The following KIAA2012 variants were observed in gnomAD, a reference collection of about 807,000 sequenced individuals.
KIAA2012 encodes KIAA2012.
KIAA2012 carries 125 observed loss-of-function variants against 150.6 expected under a neutral mutation model. That is an observed-to-expected ratio of 0.83 (90% CI 0.72 to 0.96). KIAA2012 has a LOEUF of 0.96. Among genes scored for constraint, KIAA2012 ranks in the 40% least tolerant of loss-of-function variants. The pLI is 0.00. For synonymous variants in KIAA2012, 462 were observed against 504.7 expected, an observed-to-expected ratio of 0.92 and a Z score of 1.13; for missense variants, 1,219 against 1,354.9, an observed-to-expected ratio of 0.90 and a Z score of 1.57.
At chr2:202,180,342 A>G (rs1692094301) in intron 15 of KIAA2012, among the ~76,000 whole-genome samples, 2 of 151,780 alleles carry the variant, frequency 1.3e-5, no homozygotes, top group African/African-American at 4.8e-5. Flanking sequence ...AATTTCAGAT[A>G]ATCTATCTAC....
At chr2:202,138,838 A>G in intron 13 of KIAA2012, among the ~76,000 whole-genome samples, 1 of 152,246 alleles carries the variant, frequency 6.6e-6, no homozygotes, top group Admixed American at 6.5e-5. Flanking sequence ...CATTCGTAAA[A>G]TTAGTAATTC....
intron 18 of KIAA2012, among the ~76,000 whole-genome samples, chr2:202,188,578 C>T (rs1692273414): frequency 6.6e-6 from 1 of 152,200 alleles, no homozygotes; most frequent in Admixed American, 6.5e-5. Flanking sequence ...ATCCTCACAA[C>T]ATCTCCATGA....
At chr2:202,202,405 T>C (rs1692548612) in intron 22 of KIAA2012, 24 bp from the exon 23 acceptor site, 2 of 399,844 alleles carry the variant, frequency 5.0e-6, no homozygotes, top group Non-Finnish European at 8.8e-6. Context: ...ATTATTGGAA[T>C]TGGGGGTGGG....
intron 15 of KIAA2012, among the ~76,000 whole-genome samples, chr2:202,181,966 A>C (rs1692129180): frequency 6.6e-6 from 1 of 152,104 alleles, no homozygotes; most frequent in East Asian, 1.9e-4. Flanking sequence ...TCACTCCCAA[A>C]AGTTTCCTCA....
chr2:202,183,476 A>ATTTTTTTTTTT (rs71406950), intron 15 of KIAA2012, among the ~76,000 whole-genome samples: 6 of 95,826 alleles, frequency 6.3e-5, no homozygotes, highest in Non-Finnish European at 7.5e-5. Flanking sequence ...GGTTTTTTAA[A>ATTTTTTTTTTT]TTTTTTTTTT....
intron 2 of KIAA2012, among the ~76,000 whole-genome samples, chr2:202,087,510 C>CAAAAAAAAAAAA (rs59728832): frequency 2.3e-4 from 12 of 52,520 alleles, no homozygotes; most frequent in Non-Finnish European, 3.6e-4. Context: ...GAAACCATCT[C>CAAAAAAAAAAAA]AAAAAAAAAA....
chr2:202,106,112 A>C (rs1338095514), intron 9 of KIAA2012: 2 of 1,424,582 alleles, frequency 1.4e-6, no homozygotes, highest in African/African-American at 2.8e-5. Context: ...CCAGCTCACC[A>C]GTTACTTACT....
chr2:202,075,231 C>G, intron 2 of KIAA2012, 56 bp downstream of exon 2: 2 of 1,468,030 alleles, frequency 1.4e-6, no homozygotes, highest in Non-Finnish European at 1.8e-6. Context: ...GTCTAGAAAC[C>G]CAGTTGCAGC....
chr2:202,132,450 T>G (rs1033255937), intron 12 of KIAA2012, among the ~76,000 whole-genome samples: 3 of 151,188 alleles, frequency 2.0e-5, no homozygotes, highest in Non-Finnish European at 4.4e-5. Flanking sequence ...GCAGATCACC[T>G]GAGGTCAGGA....
Position 202,194,270 on chromosome 2 carries a change from C to T in KIAA2012, c.3095C>T (p.Ala1032Val). The T allele has an allele frequency of 2.6e-6, 4 of 1,550,560 alleles. No individual in the cohort carries two copies. The highest frequency in any genetic ancestry group is 3.5e-6 in the Non-Finnish European group (4 of 1,146,990). The change falls in exon 21 of 24, where the codon GCC becomes GTC. Residue 1032 changes from alanine (A) to valine (V), a missense_variant. Physicochemically the swap from Ala to Val is moderately conservative, Grantham distance 64. Coordinates refer to ENST00000498697, the MANE Select transcript of KIAA2012 (RefSeq NM_001277372.4). ...ERKQQLRLKA[A>V]QERARQQQEE... ...AAGCAGCAGCTCCGGTTGAAAGCAGCCCAGGAGAGAGCCCGGCAACAGCAA... is the reference window on the plus strand; with the variant it reads ...AAGCAGCAGCTCCGGTTGAAAGCAGTCCAGGAGAGAGCCCGGCAACAGCAA...
intron 14 of KIAA2012, among the ~76,000 whole-genome samples, chr2:202,156,840 A>G (rs146157546): frequency 0.021 from 3,143 of 152,132 alleles, 113 homozygotes; most frequent in African/African-American, 0.071. Context: ...AGCCCAGATC[A>G]CGCCACTGCA....
intron 15 of KIAA2012, among the ~76,000 whole-genome samples, chr2:202,167,458 T>G (rs1332065353): frequency 2.0e-5 from 3 of 152,222 alleles, no homozygotes; most frequent in African/African-American, 4.8e-5. Flanking sequence ...TTTGAATCGC[T>G]GCCCTGGGCC....
At position 202,075,155 on chromosome 2, in the gene KIAA2012, C is replaced by T. The variant is rs1689298778; in HGVS notation, c.349C>T (p.Leu117=). 1.3e-6 allele frequency: 2 copies of T among 1,547,226 alleles called. No individual in the cohort carries two copies. The highest frequency in any genetic ancestry group is 2.0e-5 in the Admixed American group (1 of 50,426). ...ACTTCAAGACCTCAAAGAAGCCATC[C>T]TGGCATATGGAAGGCAGCAGGTAGG... ...HTLQDLKEAI[L]AYGRQQGEQD... Residue 117 remains leucine (L), a synonymous_variant, in exon 2 of 24, where the codon CTG becomes TTG. Coordinates refer to ENST00000498697, the MANE Select transcript of KIAA2012 (RefSeq NM_001277372.4).
rs375368996 is a variant in KIAA2012, at chr2:202,168,175, C to G, written c.2119+2819C>G. 7.2e-5 allele frequency among the ~76,000 whole-genome samples: 11 copies of G among 152,102 alleles called. No homozygotes were observed. The East Asian group carries it at 1.9e-3, about 27-fold the overall frequency. On this transcript the variant is annotated intron_variant, in intron 15 of 23. Coordinates refer to ENST00000498697, the MANE Select transcript of KIAA2012 (RefSeq NM_001277372.4). ...GTGGCTTACACCTGTAATCCCAGCA[C>G]TTTGGGAGGCTGAGGCGGGTGGATC... is the stretch of plus-strand genomic sequence containing the variant.
intron 19 of KIAA2012, among the ~76,000 whole-genome samples, chr2:202,191,225 C>G (rs563029232): frequency 6.6e-6 from 1 of 150,904 alleles, no homozygotes; most frequent in Admixed American, 6.6e-5. Context: ...TGCAGTGAGC[C>G]GAGATCACAC....
intron 15 of KIAA2012, among the ~76,000 whole-genome samples, chr2:202,168,786 A>G (rs9917151): frequency 0.41 from 61,971 of 151,856 alleles, 12,773 homozygotes; most frequent in East Asian, 0.58. Flanking sequence ...GATTTGGGGA[A>G]CCCTGCATGA....
chr2:202,116,904 A>G (rs1045013446), intron 11 of KIAA2012: 3 of 152,090 alleles, frequency 2.0e-5, no homozygotes, highest in Non-Finnish European at 4.4e-5. Context: ...AAAGCCAACC[A>G]CCATGTCTGT....
chr2:202,140,334 A>C (rs1691173551), intron 13 of KIAA2012, among the ~76,000 whole-genome samples: 3 of 152,196 alleles, frequency 2.0e-5, no homozygotes, highest in Admixed American at 2.0e-4. Flanking sequence ...TTAAACTCTC[A>C]TGCTGGTTCC....
intron 18 of KIAA2012, among the ~76,000 whole-genome samples, chr2:202,189,802 T>C (rs569553025): frequency 6.6e-6 from 1 of 152,068 alleles, no homozygotes; most frequent in African/African-American, 2.4e-5. Flanking sequence ...TAAAAGTTAC[T>C]AAAAAGGGGC....
Sources: gnomAD v4.1 joint callset for allele counts (sites outside exome capture counted in the v4.1 genomes callset) on GRCh38, gnomAD v4.1.1 for gene constraint, MANE v1.5 for transcripts, NCBI Gene and HGNC (gene_info 2026-07-23, HGNC 2026-07-21) for gene names.